IQSEC1: variants seen among roughly 807,000 people sequenced by gnomAD.
The protein encoded by IQSEC1 is IQ motif and Sec7 domain ArfGEF 1.
Under a neutral mutation model 91.0 loss-of-function variants are expected in IQSEC1, and 31 were observed. That is an observed-to-expected ratio of 0.34 (90% CI 0.26 to 0.46). The LOEUF (loss-of-function observed/expected upper bound fraction) is 0.46. Ranked by LOEUF, IQSEC1 falls within the 20% of genes least tolerant of loss-of-function variation. The pLI, the probability that IQSEC1 is intolerant of heterozygous loss-of-function variation, is 1.00. For synonymous variants in IQSEC1, 699 were observed against 662.6 expected (o/e 1.05, Z -0.84); for missense variants, 1,388 against 1,575.6 (o/e 0.88, Z 2.02).
intron 2 of IQSEC1, among the ~76,000 whole-genome samples, chr3:12,939,427 G>C (rs1023191553): frequency 6.6e-6 from 1 of 152,218 alleles, no homozygotes; most frequent in African/African-American, 2.4e-5. Context: ...GGGCACAGTG[G>C]GTCAGGGGCC....
intron 8 of IQSEC1, 70 bp downstream of exon 8, chr3:12,915,034 G>A (rs1241960618): frequency 1.2e-5 from 18 of 1,491,952 alleles, no homozygotes; most frequent in South Asian, 7.1e-5. Context: ...GGGAGCCGGC[G>A]GACTGGCTGA....
chr3:13,242,399 T>G (rs1306334666), intron 1 of IQSEC1, among the ~76,000 whole-genome samples: 1 of 152,212 alleles, frequency 6.6e-6, no homozygotes, highest in Non-Finnish European at 1.5e-5. Context: ...GACCTCACAG[T>G]ACCCCCAAGA....
At chr3:13,143,236 T>C (rs930701685) in intron 2 of IQSEC1, among the ~76,000 whole-genome samples, 1 of 152,104 alleles carries the variant, frequency 6.6e-6, no homozygotes, top group Non-Finnish European at 1.5e-5. Flanking sequence ...GTTGACTGAG[T>C]AACTGATGGC....
chr3:13,148,547 T>TTTTTG (rs1281222126), intron 2 of IQSEC1, among the ~76,000 whole-genome samples: 3 of 151,950 alleles, frequency 2.0e-5, no homozygotes, highest in Non-Finnish European at 1.5e-5. Flanking sequence ...GGTTTATGGG[T>TTTTTG]TTTTGTTTTG....
intron 1 of IQSEC1, among the ~76,000 whole-genome samples, chr3:12,951,142 G>T (rs1212294013): frequency 6.6e-6 from 1 of 152,196 alleles, no homozygotes; most frequent in Non-Finnish European, 1.5e-5. Flanking sequence ...TAATAAAAGG[G>T]CTGGGCATGG....
intron 1 of IQSEC1, among the ~76,000 whole-genome samples, chr3:12,955,487 C>A (rs966350314): frequency 1.3e-5 from 2 of 152,246 alleles, no homozygotes; most frequent in Admixed American, 6.5e-5. Context: ...ACCCTGCAAT[C>A]AACCCCAGCC....
chr3:13,156,605 T>C (rs902464960), intron 2 of IQSEC1, among the ~76,000 whole-genome samples: 1 of 152,200 alleles, frequency 6.6e-6, no homozygotes, highest in African/African-American at 2.4e-5. Flanking sequence ...GAGACCAAAA[T>C]AGCATGCTGT....
chr3:12,945,313 G>A (rs1354975993), intron 1 of IQSEC1, among the ~76,000 whole-genome samples: 1 of 152,106 alleles, frequency 6.6e-6, no homozygotes, highest in South Asian at 2.1e-4. Flanking sequence ...GGGTCAGCAG[G>A]TCCAGAACAT....
At chr3:12,926,231 A>G (rs1377424108) in intron 3 of IQSEC1, among the ~76,000 whole-genome samples, 2 of 150,930 alleles carry the variant, frequency 1.3e-5, no homozygotes, top group Admixed American at 1.3e-4. Flanking sequence ...AATCATTTGA[A>G]CTCGGGAGGC....
chr3:13,262,869 A>C lies in IQSEC1; in HGVS notation c.272+19842T>G, dbSNP rs111268084. Among the ~76,000 whole-genome samples the C allele has an allele frequency of 6.5e-3, 997 of 152,354 alleles. 7 individuals are homozygous for C. Among genetic ancestry groups the C allele is most frequent in the African/African-American group, 0.022 (933 of 41,582 alleles). On this transcript the variant is annotated intron_variant, in intron 1 of 15. Coordinates refer to the IQSEC1 transcript ENST00000648114. Reference sequence around the variant, plus strand: ...CAGTCCCTAGAGCAATCCAGTTCACAGACACAGGAAGTGGCTGGGGGAGGG... The same window carrying C: ...CAGTCCCTAGAGCAATCCAGTTCACCGACACAGGAAGTGGCTGGGGGAGGG...
chr3:13,039,553 C>T (rs145460045), intron 1 of IQSEC1, among the ~76,000 whole-genome samples: 2 of 152,202 alleles, frequency 1.3e-5, no homozygotes, highest in Non-Finnish European at 2.9e-5. Context: ...TGGGTGAGGA[C>T]AGCCGCTTGC....
In IQSEC1 at chr3:12,961,253, G is replaced by A. The variant is rs76167333; in HGVS notation, c.24-19388C>T. On this transcript the variant is annotated intron_variant, in intron 1 of 13. Transcript: ENST00000613206. ...AGGGCTCCAGACGCACCACAGCTCT[G>A]CTCCATCTGACACAGGGCTGGGGGC... 6.8e-3 allele frequency among the ~76,000 whole-genome samples: 1,037 copies of A among 152,350 alleles called. 17 individuals are homozygous for A. The highest frequency in any genetic ancestry group is 0.024 in the African/African-American group (977 of 41,566).
chr3:13,117,553 G>C (rs1477201178), intron 2 of IQSEC1, among the ~76,000 whole-genome samples: 2 of 87,900 alleles, frequency 2.3e-5, no homozygotes, highest in African/African-American at 9.6e-5. Context: ...CCTGGTGACA[G>C]AGCAAGACTC....
rs1704949987 is a variant in IQSEC1 at position 13,058,359 on chromosome 3, T to C, written c.23+14633A>G. Among the ~76,000 whole-genome samples, 3 of 152,198 alleles carry C rather than the reference T, an allele frequency of 2.0e-5. No individual in the cohort carries two copies. In the South Asian group the frequency reaches 6.2e-4, roughly 32 times the overall value. On this transcript the variant is annotated intron_variant, in intron 1 of 13. Coordinates refer to ENST00000613206, the MANE Select transcript of IQSEC1 (RefSeq NM_001134382.3). ...CTTCCATACAAACCCCACAGGGGCATGAAGGTTAGGAGAGGCCAATAAAGG... is the reference window on the plus strand; with the variant it reads ...CTTCCATACAAACCCCACAGGGGCACGAAGGTTAGGAGAGGCCAATAAAGG...
In IQSEC1 at chr3:12,924,073, C is replaced by T. The variant is rs941761407; in HGVS notation, c.1730+508G>A. On this transcript the variant is annotated intron_variant, in intron 4 of 13. Coordinates refer to ENST00000613206, the MANE Select transcript of IQSEC1 (RefSeq NM_001134382.3). This position sits in a 1 kb window ranked among gnomAD's most constrained non-coding sequence, Gnocchi z 6.3. ...GGCAGAGCGTGGCACGGGCCGCCCACGGGGAGGCAGGTCACTTGATCTGAC... is the reference window on the plus strand; with the variant it reads ...GGCAGAGCGTGGCACGGGCCGCCCATGGGGAGGCAGGTCACTTGATCTGAC... Among the ~76,000 whole-genome samples the T allele has an allele frequency of 1.8e-4, 27 of 151,854 alleles. No homozygotes were observed. The highest frequency in any genetic ancestry group is 3.2e-4 in the Non-Finnish European group (22 of 67,964).
Position 12,899,412 on chromosome 3 carries a change from T to C in IQSEC1, c.*1571A>G. On this transcript the variant is annotated 3_prime_UTR_variant, in exon 14 of 14. Transcript: ENST00000613206. Reference sequence around the variant, plus strand: ...GGCTTAGGAGCACAGCACTGACGGCTGCAGTGGCTCGAAAGGCTGAAACTA... The same window carrying C: ...GGCTTAGGAGCACAGCACTGACGGCCGCAGTGGCTCGAAAGGCTGAAACTA... 4 of 1,612,792 alleles carry C rather than the reference T, an allele frequency of 2.5e-6. No homozygotes were observed. In the South Asian group the frequency reaches 4.4e-5, roughly 18 times the overall value.
intron 1 of IQSEC1, among the ~76,000 whole-genome samples, chr3:13,202,732 G>A (rs1365434170): frequency 2.0e-5 from 3 of 152,114 alleles, no homozygotes; most frequent in Non-Finnish European, 4.4e-5. Context: ...CAATATGAAT[G>A]TACTAATACC....
At chr3:13,246,728 G>T (rs1576309153) in intron 1 of IQSEC1, among the ~76,000 whole-genome samples, 2 of 152,280 alleles carry the variant, frequency 1.3e-5, no homozygotes, top group East Asian at 3.9e-4. Context: ...CATCAGTGTG[G>T]CTGATGCAGG....
At chr3:13,114,034 A>G (rs927598270) in intron 2 of IQSEC1, among the ~76,000 whole-genome samples, 1 of 152,268 alleles carries the variant, frequency 6.6e-6, no homozygotes, top group Admixed American at 6.5e-5. Flanking sequence ...GGGATACAGT[A>G]GGCTTAGCGT....
Sources: gnomAD v4.1 joint callset for allele counts (sites outside exome capture counted in the v4.1 genomes callset) on GRCh38, gnomAD v4.1.1 for gene constraint, Gnocchi (gnomAD v3.1) non-coding constraint, MANE v1.5 for transcripts, NCBI Gene and HGNC (gene_info 2026-07-23, HGNC 2026-07-21) for gene names.